RBFOX1: variants seen among roughly 807,000 people sequenced by gnomAD.
RBFOX1 encodes the protein RNA binding protein fox-1 homolog 1.
A neutral mutation model predicts 57.7 loss-of-function variants in RBFOX1; 8 were observed. The observed-to-expected ratio is 0.14, with a 90% CI of 0.08 to 0.25. The LOEUF is 0.25. Among genes scored for constraint, RBFOX1 ranks in the 10% least tolerant of loss-of-function variants. The pLI, the probability that RBFOX1 is intolerant of heterozygous loss-of-function variation, is 1.00. For missense variants in RBFOX1, 611 were observed against 548.5 expected (o/e 1.11, Z -1.14); for synonymous variants, 326 against 222.4 (o/e 1.47, Z -4.15).
At chr16:6,407,829 T>G (rs1489964428) in intron 2 of RBFOX1, among the ~76,000 whole-genome samples, 2 of 152,158 alleles carry the variant, frequency 1.3e-5, no homozygotes, top group African/African-American at 2.4e-5. Flanking sequence ...GCAGCATACA[T>G]GGACCGTAGG....
At chr16:5,722,769 T>C in intron 3 of RBFOX1, among the ~76,000 whole-genome samples, 1 of 152,202 alleles carries the variant, frequency 6.6e-6, no homozygotes, top group East Asian at 1.9e-4. Flanking sequence ...GGCTTACTTC[T>C]AGTTATCCAT....
chr16:7,172,058 G>A, intron 4 of RBFOX1, among the ~76,000 whole-genome samples: 1 of 145,638 alleles, frequency 6.9e-6, no homozygotes, highest in East Asian at 2.3e-4. Context: ...ATGATATTGG[G>A]CAATTTAGAA....
chr16:7,614,078 A>G (rs1596512402), intron 10 of RBFOX1, among the ~76,000 whole-genome samples: 1 of 152,098 alleles, frequency 6.6e-6, no homozygotes, highest in Non-Finnish European at 1.5e-5. Flanking sequence ...ACTTTCTCAT[A>G]CCCACCAGGA....
At chr16:5,564,557 A>G (rs1343911556) in intron 2 of RBFOX1, among the ~76,000 whole-genome samples, 1 of 151,762 alleles carries the variant, frequency 6.6e-6, no homozygotes, top group Admixed American at 6.6e-5. Context: ...GTCACTTAAA[A>G]CCTTATTTGC....
Position 5,884,472 on chromosome 16 carries a change from A to G in RBFOX1, c.351+17137A>G, listed in dbSNP as rs1412279899. On this transcript the variant is annotated intron_variant, in intron 4 of 19. Coordinates refer to the RBFOX1 transcript ENST00000641259. The stretch of plus-strand genomic sequence containing the variant: ...GCCCCCCGCTCCCCACCACCCCCCT[A>G]CCCCCGCCCCCGGCTAGGGTACACA... Among the ~76,000 whole-genome samples, 24 of 23,258 alleles carry G rather than the reference A, an allele frequency of 1.0e-3. No individual in the cohort carries two copies. In the Middle Eastern group the frequency reaches 0.088, roughly 86 times the overall value. 15.3% of individuals were successfully genotyped at this position (23,258 alleles called of 152,430 possible).
chr16:5,451,688 G>A (rs185645192), intron 1 of RBFOX1, among the ~76,000 whole-genome samples: 20 of 152,336 alleles, frequency 1.3e-4, no homozygotes, highest in Non-Finnish European at 1.5e-4. Context: ...GAGAGACATC[G>A]TCCCTGGTTT....
chr16:6,737,302 A>T (rs13331200), intron 3 of RBFOX1, among the ~76,000 whole-genome samples: 2,402 of 152,274 alleles, frequency 0.016, 64 homozygotes, highest in African/African-American at 0.055. Context: ...CCCTACCCTT[A>T]TATGTTATTT....
intron 3 of RBFOX1, among the ~76,000 whole-genome samples, chr16:6,717,189 C>G (rs1037516392): frequency 6.6e-6 from 1 of 151,938 alleles, no homozygotes; most frequent in Non-Finnish European, 1.5e-5. Context: ...GTTACAGCAA[C>G]TCGACTAAAA....
intron 2 of RBFOX1, among the ~76,000 whole-genome samples, chr16:6,650,353 A>G (rs901706469): frequency 3.9e-5 from 6 of 152,110 alleles, no homozygotes; most frequent in African/African-American, 1.4e-4. Context: ...ACCTGTGGAT[A>G]AATTATGTGG....
chr16:5,449,171 C>T (rs7206266), intron 1 of RBFOX1, among the ~76,000 whole-genome samples: 99,268 of 151,916 alleles, frequency 0.65, 32,603 homozygotes, highest in African/African-American at 0.72. Flanking sequence ...ATCCCCTGCC[C>T]AAAGCCCCAC....
chr16:7,685,759 A>G (rs894720277), intron 14 of RBFOX1, among the ~76,000 whole-genome samples: 1 of 152,092 alleles, frequency 6.6e-6, no homozygotes, highest in African/African-American at 2.4e-5. Flanking sequence ...GACACACTGT[A>G]ACACTAACCC....
chr16:5,474,475 G>A (rs1410785849), intron 2 of RBFOX1, among the ~76,000 whole-genome samples: 1 of 152,160 alleles, frequency 6.6e-6, no homozygotes, highest in Non-Finnish European at 1.5e-5. Flanking sequence ...CCAACATGGT[G>A]AAACCCCGTC....
intron 10 of RBFOX1, among the ~76,000 whole-genome samples, chr16:7,625,240 A>G (rs2059907669): frequency 6.6e-6 from 1 of 152,114 alleles, no homozygotes; most frequent in South Asian, 2.1e-4. Flanking sequence ...GGTGGTGACA[A>G]GGAGAAGACA....
chr16:5,834,308 G>C lies in RBFOX1; in HGVS notation c.319-32995G>C, dbSNP rs919308700. On this transcript the variant is annotated intron_variant, in intron 3 of 19. Transcript: ENST00000641259. ...CACCATACCACTCTGTATACCCCTG[G>C]GTACCTGTAGCTTAGATTTCAGTTA... 5.9e-5 allele frequency among the ~76,000 whole-genome samples: 9 copies of C among 152,188 alleles called. 2 individuals carry two copies. Among genetic ancestry groups the C allele is most frequent in the Admixed American group, 2.6e-4 (4 of 15,282 alleles).
chr16:6,623,443 CTTT>C (rs57896155), intron 2 of RBFOX1, among the ~76,000 whole-genome samples: 6 of 149,218 alleles, frequency 4.0e-5, no homozygotes, highest in East Asian at 2.0e-4. Flanking sequence ...GGTGAAAATT[CTTT>C]TTTTTTTTTT....
At chr16:6,812,522 T>G (rs917634643) in intron 3 of RBFOX1, among the ~76,000 whole-genome samples, 1 of 152,022 alleles carries the variant, frequency 6.6e-6, no homozygotes, top group Non-Finnish European at 1.5e-5. Flanking sequence ...TACAGGCACA[T>G]GACACCACGC....
At chr16:5,926,053 G>C (rs889734021) in intron 4 of RBFOX1, among the ~76,000 whole-genome samples, 1 of 152,184 alleles carries the variant, frequency 6.6e-6, no homozygotes, top group African/African-American at 2.4e-5. Context: ...GTGATGTTCT[G>C]ACTGTTAGCT....
intron 3 of RBFOX1, among the ~76,000 whole-genome samples, chr16:6,874,759 A>T (rs530704381): frequency 6.6e-6 from 1 of 151,984 alleles, no homozygotes; most frequent in South Asian, 2.1e-4. Flanking sequence ...GACATAATGT[A>T]CTCTTGGGAC....
chr16:7,623,469 A>G (rs2059614478), intron 10 of RBFOX1, among the ~76,000 whole-genome samples: 1 of 152,188 alleles, frequency 6.6e-6, no homozygotes, highest in Non-Finnish European at 1.5e-5. Context: ...CATAAGGAAC[A>G]CACAACCAAG....
Sources: gnomAD v4.1 joint callset for allele counts (sites outside exome capture counted in the v4.1 genomes callset) on GRCh38, gnomAD v4.1.1 for gene constraint, MANE v1.5 for transcripts, NCBI Gene and HGNC (gene_info 2026-07-23, HGNC 2026-07-21) for gene names.